AGTPBP1: variants seen among roughly 807,000 people sequenced by gnomAD.
The protein encoded by AGTPBP1 is ATP/GTP binding carboxypeptidase 1.
A neutral mutation model predicts 143.9 loss-of-function variants in AGTPBP1; 70 were observed. The observed-to-expected ratio is 0.49, with a 90% CI of 0.40 to 0.59. The LOEUF (loss-of-function observed/expected upper bound fraction) is 0.59. AGTPBP1 is among the 20% of genes least tolerant of loss of function. The pLI is 0.00. For synonymous variants in AGTPBP1, 463 were observed against 500.2 expected (o/e 0.93, Z 0.99); for missense variants, 1,229 against 1,464.5 (o/e 0.84, Z 2.62).
chr9:85,598,572 G>C (rs554171205), intron 17 of AGTPBP1, among the ~76,000 whole-genome samples: 1 of 152,140 alleles, frequency 6.6e-6, no homozygotes, highest in Non-Finnish European at 1.5e-5. Flanking sequence ...TTTCTGCCCT[G>C]CTTATGTAAG....
intron 17 of AGTPBP1, among the ~76,000 whole-genome samples, chr9:85,609,540 C>G (rs958077401): frequency 5.3e-5 from 8 of 152,156 alleles, no homozygotes; most frequent in Admixed American, 1.3e-4. Context: ...CTTGGCCTCC[C>G]AAAGTGCTGG....
At chr9:85,722,484 C>A (rs561493505) in intron 1 of AGTPBP1, among the ~76,000 whole-genome samples, 1 of 152,184 alleles carries the variant, frequency 6.6e-6, no homozygotes, top group African/African-American at 2.4e-5. Flanking sequence ...CTTGTGCATG[C>A]GTCACGAGGT....
the AGTPBP1 span, among the ~76,000 whole-genome samples, chr9:85,802,526 GTTCTT>G: frequency 1.3e-5 from 2 of 152,026 alleles, no homozygotes; most frequent in Admixed American, 1.3e-4. Flanking sequence ...ACTTTACCAT[GTTCTT>G]TAGTCAGTTC....
chr9:85,588,669 A>G (rs1828763750), intron 20 of AGTPBP1, among the ~76,000 whole-genome samples, 191 bp from the exon 21 acceptor site: 1 of 152,140 alleles, frequency 6.6e-6, no homozygotes. Context: ...ATAAAACCAT[A>G]TCCCGAAGGA....
At chr9:85,628,229 A>G (rs1831422636) in intron 14 of AGTPBP1, among the ~76,000 whole-genome samples, 1 of 152,214 alleles carries the variant, frequency 6.6e-6, no homozygotes. Context: ...TTTTGTTGAA[A>G]TATGAAACCT....
chr9:85,643,918 CTTA>C (rs2133833907), intron 12 of AGTPBP1, among the ~76,000 whole-genome samples: 1 of 152,210 alleles, frequency 6.6e-6, no homozygotes, highest in Admixed American at 6.5e-5. Flanking sequence ...TCAGTTGGTA[CTTA>C]TTTTTAATTT....
the AGTPBP1 span, among the ~76,000 whole-genome samples, chr9:85,773,468 G>T: frequency 6.7e-6 from 1 of 149,992 alleles, no homozygotes; most frequent in African/African-American, 2.5e-5. Flanking sequence ...CAAGTAGCTG[G>T]GATTACAGGT....
chr9:85,562,228 C>CA (rs71370872), intron 25 of AGTPBP1, among the ~76,000 whole-genome samples: 14,532 of 130,170 alleles, frequency 0.11, 803 homozygotes, highest in Middle Eastern at 0.2. Flanking sequence ...AAAAGAAAGC[C>CA]AAAAAAAAAA....
At chr9:85,799,388 T>C in the AGTPBP1 span, among the ~76,000 whole-genome samples, 2 of 152,170 alleles carry the variant, frequency 1.3e-5, no homozygotes, top group African/African-American at 4.8e-5. Flanking sequence ...TAGTTCTAGA[T>C]CCTTGAGGAA....
chr9:85,665,872 T>C (rs544094762), intron 8 of AGTPBP1, among the ~76,000 whole-genome samples: 1 of 152,256 alleles, frequency 6.6e-6, no homozygotes, highest in East Asian at 1.9e-4. Context: ...CCAAATGTTA[T>C]TTAAGAGTTA....
At chr9:85,642,414 C>T (rs1175748132) in intron 13 of AGTPBP1, among the ~76,000 whole-genome samples, 4 of 151,878 alleles carry the variant, frequency 2.6e-5, no homozygotes, top group Non-Finnish European at 5.9e-5. Context: ...CTGCAACCTC[C>T]GCCTCCCAGG....
At chr9:85,671,866 C>T (rs1298011998) in intron 7 of AGTPBP1, among the ~76,000 whole-genome samples, 1 of 152,122 alleles carries the variant, frequency 6.6e-6, no homozygotes, top group African/African-American at 2.4e-5. Flanking sequence ...AGAATTAGCT[C>T]CAGGTGACTA....
At chr9:85,751,786 T>G in the AGTPBP1 span, among the ~76,000 whole-genome samples, 12 of 152,102 alleles carry the variant, frequency 7.9e-5, no homozygotes, top group East Asian at 2.4e-3. Context: ...TTTGTATTTT[T>G]AGTAGAGACG....
At chr9:85,734,062 G>A (rs531183517) in intron 1 of AGTPBP1, among the ~76,000 whole-genome samples, 2 of 152,258 alleles carry the variant, frequency 1.3e-5, no homozygotes, top group East Asian at 1.9e-4. Context: ...GACCAGCCTG[G>A]CCAACATGGT....
chr9:85,669,781 G>T (rs1262210373), intron 7 of AGTPBP1, among the ~76,000 whole-genome samples: 1 of 133,332 alleles, frequency 7.5e-6, no homozygotes, highest in Non-Finnish European at 1.6e-5. Context: ...GGGAAATTCT[G>T]AAACGAGTTA....
intron 11 of AGTPBP1, 23 bp downstream of exon 11, chr9:85,655,120 C>A: frequency 1.9e-6 from 3 of 1,540,032 alleles, no homozygotes; most frequent in South Asian, 1.3e-5. Context: ...CCACAAAAAG[C>A]AGCAGTGACC....
intron 4 of AGTPBP1, among the ~76,000 whole-genome samples, chr9:85,678,903 G>A (rs556003149): frequency 2.6e-5 from 4 of 152,150 alleles, no homozygotes; most frequent in South Asian, 2.1e-4. Flanking sequence ...TTTACATATC[G>A]ATAGATAAAG....
intron 1 of AGTPBP1, among the ~76,000 whole-genome samples, chr9:85,728,523 T>C (rs1358829455): frequency 2.0e-5 from 3 of 152,170 alleles, no homozygotes; most frequent in East Asian, 3.8e-4. Flanking sequence ...ACTTCTTAAG[T>C]TTTTTCTTAC....
the AGTPBP1 span, among the ~76,000 whole-genome samples, chr9:85,787,507 A>G: frequency 6.6e-6 from 1 of 152,084 alleles, no homozygotes; most frequent in Non-Finnish European, 1.5e-5. Flanking sequence ...CACTGGCCAA[A>G]CTACACTGGG....
Sources: gnomAD v4.1 joint callset for allele counts (sites outside exome capture counted in the v4.1 genomes callset) on GRCh38, gnomAD v4.1.1 for gene constraint, MANE v1.5 for transcripts, NCBI Gene and HGNC (gene_info 2026-07-23, HGNC 2026-07-21) for gene names.